Variants in TAB2 observed in about 807,000 individuals in gnomAD.
TAB2 encodes TGF-beta-activated kinase 1 and MAP3K7-binding protein 2.
A neutral mutation model predicts 65.0 loss-of-function variants in TAB2; 3 were observed. The observed-to-expected ratio is 0.05, with a 90% CI of 0.02 to 0.12. The LOEUF is 0.12. TAB2 is among the 10% of genes least tolerant of loss of function. The pLI is 1.00. For missense variants in TAB2, 623 were observed against 840.3 expected, an observed-to-expected ratio of 0.74 and a Z score of 3.20; for synonymous variants, 298 against 285.1, an observed-to-expected ratio of 1.05 and a Z score of -0.46.
chr6:149,248,074 A>G (rs756831551), intron 1 of TAB2, among the ~76,000 whole-genome samples: 5 of 152,162 alleles, frequency 3.3e-5, no homozygotes, highest in Non-Finnish European at 7.4e-5. Context: ...CTTAAAGTAA[A>G]ATAAAATAAA....
At position 149,378,570 on chromosome 6, in the gene TAB2, A is replaced by T; in HGVS notation, c.655A>T (p.Ile219Phe). 6.2e-7 allele frequency: 1 copy of T among 1,613,964 alleles called. No individual in the cohort carries two copies. The highest frequency in any genetic ancestry group is 8.5e-7 in the Non-Finnish European group (1 of 1,180,036). ...QGNSIYIRPY[I>F]TTPGGTTRQT... ...AAATTCTATCTATATTAGGCCTTAC[A>T]TTACAACTCCTGGTGGTACAACTCG... is the stretch of plus-strand genomic sequence containing the variant. Residue 219 changes from isoleucine (I) to phenylalanine (F), a missense_variant, in exon 3 of 7, where the codon ATT becomes TTT. This residue lies in a region of TAB2 where 550 missense variants were observed against 665.7 expected (regional missense o/e 0.83). Coordinates refer to ENST00000637181, the MANE Select transcript of TAB2 (RefSeq NM_001292034.3).
chr6:149,260,846 C>A (rs769053651), intron 1 of TAB2, among the ~76,000 whole-genome samples: 1 of 152,150 alleles, frequency 6.6e-6, no homozygotes, highest in South Asian at 2.1e-4. Flanking sequence ...GTATGCTATT[C>A]GGCCTTTAAA....
intron 1 of TAB2, among the ~76,000 whole-genome samples, chr6:149,248,371 G>A (rs1430507581): frequency 1.3e-5 from 2 of 150,836 alleles, no homozygotes; most frequent in African/African-American, 2.4e-5. Flanking sequence ...CCGCTTGAGC[G>A]ACAGAGCGAG....
At chr6:149,403,806 C>T (rs1485332498) in intron 6 of TAB2, among the ~76,000 whole-genome samples, 2 of 152,042 alleles carry the variant, frequency 1.3e-5, no homozygotes, top group Non-Finnish European at 2.9e-5. Flanking sequence ...ACAGCCAGAT[C>T]TTTCATGAAC....
At chr6:149,264,735 C>T (rs547088294) in intron 1 of TAB2, among the ~76,000 whole-genome samples, 1 of 152,216 alleles carries the variant, frequency 6.6e-6, no homozygotes, top group Non-Finnish European at 1.5e-5. Context: ...AGTGACCCTG[C>T]AGGGATGGTG....
chr6:149,376,044 A>T (rs1039796795), intron 2 of TAB2, among the ~76,000 whole-genome samples: 1 of 152,090 alleles, frequency 6.6e-6, no homozygotes, highest in Non-Finnish European at 1.5e-5. Flanking sequence ...TAACTTGGTT[A>T]TTCATCTTTC....
At chr6:149,366,954 A>C (rs6911411) in intron 1 of TAB2, among the ~76,000 whole-genome samples, 329 of 87,876 alleles carry the variant, frequency 3.7e-3, no homozygotes, top group African/African-American at 7.3e-3. Context: ...ATTGTGTATA[A>C]ATTTTTTTTT....
At chr6:149,233,683 T>C (rs1777446113) in intron 1 of TAB2, among the ~76,000 whole-genome samples, 1 of 152,202 alleles carries the variant, frequency 6.6e-6, no homozygotes, top group African/African-American at 2.4e-5. Flanking sequence ...TCCTTTACAC[T>C]TCACAATATA....
At chr6:149,398,818 A>G (rs1782264737) in intron 5 of TAB2, among the ~76,000 whole-genome samples, 1 of 152,160 alleles carries the variant, frequency 6.6e-6, no homozygotes, top group South Asian at 2.1e-4. Flanking sequence ...TTAACTTGCC[A>G]CATAGAACAG....
intron 1 of TAB2, among the ~76,000 whole-genome samples, chr6:149,338,362 A>G (rs1448374746): frequency 6.6e-6 from 1 of 152,204 alleles, no homozygotes; most frequent in Non-Finnish European, 1.5e-5. Context: ...ATTGACTGTA[A>G]TAACCATTGA....
At chr6:149,361,820 A>G (rs964510967) in intron 1 of TAB2, among the ~76,000 whole-genome samples, 2 of 152,222 alleles carry the variant, frequency 1.3e-5, no homozygotes, top group Non-Finnish European at 2.9e-5. Flanking sequence ...TCCACATCAG[A>G]AATTTCTTCT....
At chr6:149,248,428 A>AAGGAAGGAAGG (rs59251653) in intron 1 of TAB2, among the ~76,000 whole-genome samples, 7,353 of 117,204 alleles carry the variant, frequency 0.063, 470 homozygotes, top group East Asian at 0.28. Flanking sequence ...AAAAAGAAAG[A>AAGGAAGGAAGG]AAGGAAGGAA....
chr6:149,369,965 C>T lies in TAB2; in HGVS notation c.-33C>T. ...TTCCACTAAGGCCTAGAATTGCCTA[C>T]TGTACAAATAGTCCTGATCAGGCAA... is the stretch of plus-strand genomic sequence containing the variant. On this transcript the variant is annotated 5_prime_UTR_variant, in exon 2 of 7. Coordinates refer to ENST00000637181, the MANE Select transcript of TAB2 (RefSeq NM_001292034.3). 6.4e-7 allele frequency: 1 copy of T among 1,558,388 alleles called. No homozygotes were observed. The highest frequency in any genetic ancestry group is 8.9e-7 in the Non-Finnish European group (1 of 1,129,308).
At chr6:149,353,586 A>G (rs1780560230) in intron 1 of TAB2, among the ~76,000 whole-genome samples, 3 of 152,252 alleles carry the variant, frequency 2.0e-5, no homozygotes, top group Non-Finnish European at 4.4e-5. Flanking sequence ...AAATAAAGAT[A>G]AAATCTAAAG....
At chr6:149,401,819 A>G (rs982748301) in intron 6 of TAB2, among the ~76,000 whole-genome samples, 7 of 152,114 alleles carry the variant, frequency 4.6e-5, no homozygotes, top group Admixed American at 1.3e-4. Flanking sequence ...CAGCAAGAAA[A>G]CCATAAAATT....
intron 1 of TAB2, among the ~76,000 whole-genome samples, chr6:149,252,867 T>C (rs1777889064): frequency 6.6e-6 from 1 of 152,190 alleles, no homozygotes; most frequent in Non-Finnish European, 1.5e-5. Flanking sequence ...CCTATTTCTC[T>C]TCCACTCTTA....
chr6:149,349,743 G>A (rs933867107), intron 1 of TAB2, among the ~76,000 whole-genome samples: 1 of 152,134 alleles, frequency 6.6e-6, no homozygotes, highest in Non-Finnish European at 1.5e-5. Context: ...TAAGGGAAAC[G>A]CTTGAGTTTG....
chr6:149,305,335 T>C (rs1562406897), intron 1 of TAB2, among the ~76,000 whole-genome samples: 1 of 152,188 alleles, frequency 6.6e-6, no homozygotes, highest in African/African-American at 2.4e-5. Flanking sequence ...CAAATTCTGC[T>C]ACATGAACCT....
chr6:149,250,367 G>A (rs1410209538), intron 1 of TAB2, among the ~76,000 whole-genome samples: 1 of 151,734 alleles, frequency 6.6e-6, no homozygotes, highest in African/African-American at 2.4e-5. Flanking sequence ...ATGCAATGGC[G>A]CAATCTCGGC....
Sources: allele counts gnomAD v4.1 joint callset (sites outside exome capture counted in the v4.1 genomes callset), GRCh38; gene constraint gnomAD v4.1.1; regional missense constraint gnomAD v4.1.1; transcripts MANE v1.5; gene names NCBI Gene and HGNC (gene_info 2026-07-23, HGNC 2026-07-21).